The following MS4A8 variants were observed in gnomAD, a reference collection of about 807,000 sequenced individuals.
MS4A8 encodes the protein membrane spanning 4-domains A8.
A neutral mutation model predicts 23.7 loss-of-function variants in MS4A8; 27 were observed. The ratio of observed to expected loss-of-function variants is 1.14; its 90% CI spans 0.84 to 1.57. The LOEUF (loss-of-function observed/expected upper bound fraction) is 1.57. MS4A8 is among the 40% of genes most tolerant of loss of function. MS4A8 has a pLI of 0.00. For synonymous variants in MS4A8, 138 were observed against 126.3 expected (o/e 1.09, Z -0.62); for missense variants, 301 against 311.4 (o/e 0.97, Z 0.25).
At chr11:60,714,284 A>AC (rs2088324297) in intron 5 of MS4A8, among the ~76,000 whole-genome samples, 1 of 152,100 alleles carries the variant, frequency 6.6e-6, no homozygotes. Context: ...CACACCCTGC[A>AC]CAACCCTTAA....
intron 5 of MS4A8, among the ~76,000 whole-genome samples, chr11:60,710,667 T>C (rs1162614956): frequency 6.6e-6 from 1 of 152,012 alleles, no homozygotes; most frequent in Admixed American, 6.5e-5. Context: ...ACCAGAGGGA[T>C]CCTTTGGAAA....
intron 3 of MS4A8, among the ~76,000 whole-genome samples, chr11:60,706,096 C>T (rs1247623101): frequency 6.6e-6 from 1 of 152,134 alleles, no homozygotes; most frequent in Non-Finnish European, 1.5e-5. Context: ...GATGATTGCA[C>T]AACTTTATAA....
intron 5 of MS4A8, among the ~76,000 whole-genome samples, chr11:60,713,903 A>G (rs1292153289): frequency 7.8e-6 from 1 of 128,802 alleles, no homozygotes; most frequent in Admixed American, 7.7e-5. Context: ...GGGAGTGGTG[A>G]TGACTCTTTT....
At position 60,712,496 on chromosome 11, in the gene MS4A8, T is replaced by A. The variant is rs1053725723; in HGVS notation, c.535-2525T>A. Reference sequence around the variant, plus strand: ...TCACCAATGCTGTTTTTAAAAATCATAATTGAGATAATTGAGGCCGGTCAC... The same window carrying A: ...TCACCAATGCTGTTTTTAAAAATCAAAATTGAGATAATTGAGGCCGGTCAC... On this transcript the variant is annotated intron_variant, in intron 5 of 6. Transcript: ENST00000300226. The A allele has an allele frequency of 1.0e-5, 10 of 985,110 alleles. No individual in the cohort carries two copies. In the African/African-American group the frequency reaches 1.2e-4, roughly 12 times the overall value. 61.0% of individuals were successfully genotyped at this position (985,110 alleles called of 1,614,324 possible). A position where few individuals can be genotyped will look rare whatever the true frequency, so the allele number is the denominator to read the frequency against.
Position 60,708,718 on chromosome 11 carries a change from C to G in MS4A8, c.471C>G (p.Ile157Met). The change falls in exon 5 of 7, where the codon ATC becomes ATG. Residue 157 changes from isoleucine to methionine, a missense_variant. By Grantham distance (10) the Ile-to-Met change is conservative. Transcript: ENST00000300226. ...ICSAVGVILFITDLSIPHPYA... is the reference protein window; with the variant it reads ...ICSAVGVILFMTDLSIPHPYA... ...CTGCAGTTGGAGTCATACTCTTCAT[C>G]ACAGATCTAAGTATTCCCCACCCAT... 1 of 1,611,078 alleles carries G rather than the reference C, an allele frequency of 6.2e-7. No individual in the cohort carries two copies. Among genetic ancestry groups the G allele is most frequent in the Non-Finnish European group, 8.5e-7 (1 of 1,178,974 alleles).
At chr11:60,702,807 T>C (rs1371637620) in intron 2 of MS4A8, among the ~76,000 whole-genome samples, 5 of 152,172 alleles carry the variant, frequency 3.3e-5, no homozygotes, top group Non-Finnish European at 5.9e-5. Context: ...TGTTTTCAAA[T>C]AGAGTCACAT....
At chr11:60,701,239 AC>A in intron 2 of MS4A8, 160 bp downstream of exon 2, 1 of 735,188 alleles carries the variant, frequency 1.4e-6, no homozygotes, top group African/African-American at 1.7e-5. Context: ...CAGCTGCACA[AC>A]ATCACAGGCG....
chr11:60,701,674 G>T (rs1052328889), intron 2 of MS4A8: 1 of 171,938 alleles, frequency 5.8e-6, no homozygotes, highest in African/African-American at 2.4e-5. Flanking sequence ...AGGGAAATTT[G>T]TATCTGCCAA....
At chr11:60,714,375 G>C (rs1036565423) in intron 5 of MS4A8, among the ~76,000 whole-genome samples, 7 of 152,162 alleles carry the variant, frequency 4.6e-5, no homozygotes, top group Non-Finnish European at 1.0e-4. Flanking sequence ...ACAGCAGCTC[G>C]AGGCAGAAGA....
chr11:60,708,845 A>G lies in MS4A8; in HGVS notation c.534+64A>G, dbSNP rs763970850. The G allele has an allele frequency of 4.4e-6, 7 of 1,598,516 alleles. No individual in the cohort carries two copies. In the Admixed American group the frequency reaches 5.0e-5, roughly 11 times the overall value. On this transcript the variant is annotated intron_variant, in intron 5 of 6. Transcript: ENST00000300226. Reference sequence around the variant, plus strand: ...AATTAGCTACATTTAGAAAACTCCCAGAAAGGGCTTGACAACCAAGCTACC... The same window carrying G: ...AATTAGCTACATTTAGAAAACTCCCGGAAAGGGCTTGACAACCAAGCTACC...
chr11:60,712,764 C>G (rs928800833), intron 5 of MS4A8, among the ~76,000 whole-genome samples: 9 of 151,766 alleles, frequency 5.9e-5, no homozygotes, highest in African/African-American at 1.5e-4. Flanking sequence ...TGCTCTCCAA[C>G]CTGAGTGGCA....
Position 60,715,494 on chromosome 11 carries a change from T to G in MS4A8, c.*80T>G. 9.0e-7 allele frequency: 1 copy of G among 1,109,298 alleles called. No homozygotes were observed. The highest frequency in any genetic ancestry group is 1.3e-6 in the Non-Finnish European group (1 of 748,592). The allele number at this position is 1,109,298 out of a possible 1,614,324, so 68.7% of individuals were successfully genotyped here. A position where few individuals can be genotyped will look rare whatever the true frequency, so the allele number is the denominator to read the frequency against. On this transcript the variant is annotated 3_prime_UTR_variant, in exon 7 of 7. Transcript: ENST00000300226. Reference sequence around the variant, plus strand: ...TTCTGGGCTTCCATAACCCAGGTCGTTCCTGTTCTGACAGCTGAGGAAACG... The same window carrying G: ...TTCTGGGCTTCCATAACCCAGGTCGGTCCTGTTCTGACAGCTGAGGAAACG...
chr11:60,715,702 G>C lies in MS4A8; in HGVS notation c.*288G>C, dbSNP rs978797079. ...CTGGGGCCTTGGCACACACACATTC[G>C]TGTGCTCTGCTGCATGTGAGCTTGT... On this transcript the variant is annotated 3_prime_UTR_variant, in exon 7 of 7. Coordinates refer to ENST00000300226, the MANE Select transcript of MS4A8 (RefSeq NM_031457.2). 6 of 415,954 alleles carry C rather than the reference G, an allele frequency of 1.4e-5. No individual in the cohort carries two copies. Among genetic ancestry groups the C allele is most frequent in the Middle Eastern group, 6.9e-4 (1 of 1,456 alleles). The allele number at this position is 415,954 out of a possible 1,614,324, so 25.8% of individuals were successfully genotyped here. A position where few individuals can be genotyped will look rare whatever the true frequency, so the allele number is the denominator to read the frequency against.
chr11:60,710,580 A>G (rs1013623672), intron 5 of MS4A8, among the ~76,000 whole-genome samples: 1 of 151,952 alleles, frequency 6.6e-6, no homozygotes, highest in Non-Finnish European at 1.5e-5. Flanking sequence ...CGCATCTCTC[A>G]TCTAATCATG....
At chr11:60,711,733 A>G (rs375163623) in intron 5 of MS4A8, 73 of 443,262 alleles carry the variant, frequency 1.6e-4, no homozygotes, top group African/African-American at 1.1e-3. Flanking sequence ...ATGGGAGAAG[A>G]GTTTAGGAAA....
chr11:60,710,361 T>C (rs2088290397), intron 5 of MS4A8, among the ~76,000 whole-genome samples: 1 of 152,168 alleles, frequency 6.6e-6, no homozygotes, highest in Non-Finnish European at 1.5e-5. Flanking sequence ...TTCCCAAACC[T>C]TCTCTACTCA....
At chr11:60,709,289 C>A (rs186066177) in intron 5 of MS4A8, 62 of 174,754 alleles carry the variant, frequency 3.5e-4, no homozygotes, top group Middle Eastern at 5.4e-3. Flanking sequence ...GGATTTGACC[C>A]ATGGATCATA....
At position 60,700,851 on chromosome 11, in the gene MS4A8, T is replaced by A. The variant is rs372626395; in HGVS notation, c.-1-9T>A. On this transcript the variant is annotated splice_polypyrimidine_tract_variant and intron_variant, in intron 1 of 6. Transcript: ENST00000300226. The stretch of plus-strand genomic sequence containing the variant: ...GAGGGAAAATTCTCTCGCATTTATT[T>A]CTTGGCAGCATGAATTCGATGACTT... 8.1e-6 allele frequency: 13 copies of A among 1,614,018 alleles called. No homozygotes were observed. The highest frequency in any genetic ancestry group is 9.3e-6 in the Non-Finnish European group (11 of 1,179,950).
chr11:60,713,377 T>C (rs7121797), intron 5 of MS4A8, among the ~76,000 whole-genome samples: 6,859 of 152,050 alleles, frequency 0.045, 489 homozygotes, highest in African/African-American at 0.16. Context: ...TGATCATTAT[T>C]GGGCATGGGT....
Sources: allele counts gnomAD v4.1 joint callset (sites outside exome capture counted in the v4.1 genomes callset), GRCh38; gene constraint gnomAD v4.1.1; transcripts MANE v1.5; gene names NCBI Gene and HGNC (gene_info 2026-07-23, HGNC 2026-07-21).